Variants in CYRIA observed in about 807,000 individuals in gnomAD.
The protein encoded by CYRIA is CYFIP-related Rac1 interactor A.
Under a neutral mutation model 43.9 loss-of-function variants are expected in CYRIA, and 15 were observed. That is an observed-to-expected ratio of 0.34 (90% CI 0.23 to 0.53). CYRIA has a LOEUF of 0.53. Among genes scored for constraint, CYRIA ranks in the 20% least tolerant of loss-of-function variants. The pLI is 0.94. For missense variants in CYRIA, 236 were observed against 394.2 expected (o/e 0.60, Z 3.40); for synonymous variants, 117 against 136.0 (o/e 0.86, Z 0.97).
At chr2:16,559,258 G>A (rs1014642576) in intron 10 of CYRIA, among the ~76,000 whole-genome samples, 7 of 152,144 alleles carry the variant, frequency 4.6e-5, no homozygotes, top group Non-Finnish European at 8.8e-5. Flanking sequence ...CATTGCTGCT[G>A]TGCTTTTGAG....
chr2:16,576,970 T>C (rs1208597374), intron 3 of CYRIA, among the ~76,000 whole-genome samples: 1 of 152,142 alleles, frequency 6.6e-6, no homozygotes, highest in Non-Finnish European at 1.5e-5. Flanking sequence ...GGAGTCAAAG[T>C]CATAGAAACA....
chr2:16,614,757 C>T (rs768299002), intron 2 of CYRIA, among the ~76,000 whole-genome samples: 2 of 152,214 alleles, frequency 1.3e-5, no homozygotes, highest in Non-Finnish European at 2.9e-5. Flanking sequence ...TAGAGACACC[C>T]GGTCACCTGC....
chr2:16,581,885 A>AT (rs1341612923), intron 3 of CYRIA, among the ~76,000 whole-genome samples: 1 of 152,264 alleles, frequency 6.6e-6, no homozygotes, highest in Non-Finnish European at 1.5e-5. Flanking sequence ...CTATTGATAC[A>AT]TGTAATGACA....
At chr2:16,611,304 G>T (rs1668595907) in intron 2 of CYRIA, among the ~76,000 whole-genome samples, 1 of 152,264 alleles carries the variant, frequency 6.6e-6, no homozygotes, top group South Asian at 2.1e-4. Context: ...GGTGGAGGTT[G>T]CAGTGAGCCG....
intron 1 of CYRIA, among the ~76,000 whole-genome samples, chr2:16,637,415 G>A (rs1300187806): frequency 6.6e-6 from 1 of 152,110 alleles, no homozygotes; most frequent in African/African-American, 2.4e-5. Context: ...CAACAGAGAT[G>A]ATGTTTTTCT....
chr2:16,565,361 T>G (rs999663340), intron 4 of CYRIA, among the ~76,000 whole-genome samples: 1 of 152,122 alleles, frequency 6.6e-6, no homozygotes, highest in Non-Finnish European at 1.5e-5. Flanking sequence ...TTTTTTTGTA[T>G]TTTTAGTTGA....
intron 2 of CYRIA, among the ~76,000 whole-genome samples, chr2:16,612,376 G>C (rs557733552): frequency 2.0e-4 from 30 of 151,966 alleles, no homozygotes; most frequent in Admixed American, 1.8e-3. Context: ...AAGAGAAAAG[G>C]AGGAAAAAAG....
At chr2:16,600,475 G>C (rs1038952445) in intron 2 of CYRIA, among the ~76,000 whole-genome samples, 5 of 152,166 alleles carry the variant, frequency 3.3e-5, no homozygotes, top group Admixed American at 2.0e-4. Context: ...GGCACTTACA[G>C]GTGGGGTATG....
chr2:16,579,668 A>G (rs1019654819), intron 3 of CYRIA, among the ~76,000 whole-genome samples: 1 of 152,124 alleles, frequency 6.6e-6, no homozygotes, highest in South Asian at 2.1e-4. Flanking sequence ...TCTCTAAAGC[A>G]AGCAAAAAGT....
chr2:16,556,016 A>T (rs1473650497), intron 10 of CYRIA, among the ~76,000 whole-genome samples: 1 of 152,148 alleles, frequency 6.6e-6, no homozygotes, highest in East Asian at 1.9e-4. Flanking sequence ...ATTTATATAG[A>T]TCACATTACA....
In CYRIA at chr2:16,653,067, T is replaced by C. The variant is rs528012704; in HGVS notation, c.-167+12713A>G. The stretch of plus-strand genomic sequence containing the variant: ...TCTTTCTATCCCAGACCCTTTGCTA[T>C]GTGCTGGGGATGTGAAGATTGAAGA... On this transcript the variant is annotated intron_variant, in intron 1 of 11. Transcript: ENST00000381323. 6.8e-4 allele frequency among the ~76,000 whole-genome samples: 103 copies of C among 152,356 alleles called. 2 individuals carry two copies. In the South Asian group the frequency reaches 0.021, roughly 31 times the overall value.
rs72777962 is a variant in CYRIA at position 16,662,655 on chromosome 2, C to T, written c.-167+3125G>A. On this transcript the variant is annotated intron_variant, in intron 1 of 11. Transcript: ENST00000381323. ...TCAGTAAGAAAGGCAGTCCTGGCTC[C>T]CTGCCATGCTTCTCTCCCCTACCCT... Among the ~76,000 whole-genome samples the T allele has an allele frequency of 8.4e-3, 1,284 of 152,304 alleles. 11 individuals are homozygous for T. Among genetic ancestry groups the T allele is most frequent in the Middle Eastern group, 0.02 (6 of 294 alleles).
intron 2 of CYRIA, among the ~76,000 whole-genome samples, chr2:16,591,376 A>G (rs1667924314): frequency 6.6e-6 from 1 of 152,170 alleles, no homozygotes; most frequent in Non-Finnish European, 1.5e-5. Context: ...GTCCCCTTCA[A>G]TATTTGGTGT....
At chr2:16,656,401 C>T (rs960247365) in intron 1 of CYRIA, among the ~76,000 whole-genome samples, 2 of 152,228 alleles carry the variant, frequency 1.3e-5, no homozygotes, top group Non-Finnish European at 2.9e-5. Flanking sequence ...TCTCTAGTTT[C>T]TAAGGGCCAG....
intron 1 of CYRIA, among the ~76,000 whole-genome samples, chr2:16,659,372 T>G (rs879524381): frequency 2.6e-5 from 4 of 152,240 alleles, no homozygotes; most frequent in Admixed American, 2.0e-4. Flanking sequence ...GGACTTCCAT[T>G]CGCCCATCCA....
chr2:16,562,286 A>T, intron 5 of CYRIA, 145 bp from the exon 6 acceptor site: 1 of 881,652 alleles, frequency 1.1e-6, no homozygotes, highest in Non-Finnish European at 1.6e-6. Flanking sequence ...CTGCATGTGG[A>T]CGAGGAAGAG....
At chr2:16,614,110 C>A (rs1430386063) in intron 2 of CYRIA, among the ~76,000 whole-genome samples, 2 of 152,168 alleles carry the variant, frequency 1.3e-5, no homozygotes, top group Non-Finnish European at 2.9e-5. Flanking sequence ...TTCTATAACT[C>A]ATTTAAACAA....
chr2:16,565,592 T>C, intron 4 of CYRIA, 54 bp downstream of exon 4: 2 of 1,492,352 alleles, frequency 1.3e-6, no homozygotes, highest in Non-Finnish European at 1.8e-6. Context: ...TGTGCATGTG[T>C]GGTTTTCCTT....
chr2:16,570,453 G>C (rs113972908), intron 3 of CYRIA, among the ~76,000 whole-genome samples: 1 of 152,128 alleles, frequency 6.6e-6, no homozygotes, highest in Non-Finnish European at 1.5e-5. Context: ...TTAGGTTTAC[G>C]TTTCTAATCT....
Sources: gnomAD v4.1 joint callset for allele counts (sites outside exome capture counted in the v4.1 genomes callset) on GRCh38, gnomAD v4.1.1 for gene constraint, MANE v1.5 for transcripts, NCBI Gene and HGNC (gene_info 2026-07-23, HGNC 2026-07-21) for gene names.